Variants in AASS observed in about 807,000 individuals in gnomAD.
The protein encoded by AASS is alpha-aminoadipic semialdehyde synthase, mitochondrial.
In AASS, 86 loss-of-function variants were observed where a neutral mutation model predicts 105.4. The observed-to-expected ratio is 0.82, with a 90% CI of 0.69 to 0.98. The LOEUF (loss-of-function observed/expected upper bound fraction) is 0.98. Among genes scored for constraint, AASS ranks in the 50% least tolerant of loss-of-function variants. AASS has a pLI of 0.00. For synonymous variants in AASS, 381 were observed against 394.8 expected (o/e 0.96, Z 0.41); for missense variants, 1,048 against 1,143.2 (o/e 0.92, Z 1.20).
At chr7:122,142,744 T>C (rs1411921048) in intron 1 of AASS, among the ~76,000 whole-genome samples, 2 of 152,178 alleles carry the variant, frequency 1.3e-5, no homozygotes, top group Non-Finnish European at 2.9e-5. Context: ...GTTTGTAATG[T>C]TATTTCTATG....
intron 18 of AASS, among the ~76,000 whole-genome samples, chr7:122,090,395 T>C (rs1407570676): frequency 1.3e-5 from 2 of 152,138 alleles, no homozygotes; most frequent in African/African-American, 2.4e-5. Context: ...GATGAGGCGC[T>C]GGTACTTTTT....
At chr7:122,101,808 C>T (rs893000931) in intron 11 of AASS, 128 bp from the exon 12 acceptor site, 7 of 739,492 alleles carry the variant, frequency 9.5e-6, no homozygotes, top group South Asian at 4.8e-5. Context: ...TGAGGATCAC[C>T]GAGTATAAGT....
At chr7:122,079,077 G>T (rs971396236) in intron 21 of AASS, 127 bp from the exon 22 acceptor site, 1 of 1,573,950 alleles carries the variant, frequency 6.4e-7, no homozygotes, top group Non-Finnish European at 8.6e-7. Flanking sequence ...TCAAGTTGTA[G>T]GATTCTCCTA....
chr7:122,086,487 T>A (rs1793631354), intron 18 of AASS, among the ~76,000 whole-genome samples: 2 of 151,654 alleles, frequency 1.3e-5, no homozygotes, highest in South Asian at 4.1e-4. Context: ...GAGTTTGCCT[T>A]TTTAAAAAAT....
chr7:122,136,320 C>T (rs1321491924), intron 1 of AASS, among the ~76,000 whole-genome samples: 1 of 151,984 alleles, frequency 6.6e-6, no homozygotes, highest in Non-Finnish European at 1.5e-5. Flanking sequence ...GACAACAGAC[C>T]AAACAGCGAA....
In AASS at chr7:122,098,495, T is replaced by C. The variant is rs1279570292; in HGVS notation, c.1610A>G (p.Glu537Gly). ...NPVSMDICKQEEKLGFLVAKQ... is the reference protein window; with the variant it reads ...NPVSMDICKQGEKLGFLVAKQ... ...TGCCACCAAGAAGCCCAGCTTCTCT[T>C]CTTGTTTACAAATGTCCATGCTAAC... Residue 537 changes from glutamate (E) to glycine (G), a missense_variant, in exon 15 of 24, where the codon GAA (glutamate) becomes GGA (glycine). By Grantham distance (98) the Glu-to-Gly change is moderately conservative. Transcript: ENST00000417368. 4 of 1,612,238 alleles carry C rather than the reference T, an allele frequency of 2.5e-6. No homozygotes were observed. The highest frequency in any genetic ancestry group is 3.4e-6 in the Non-Finnish European group (4 of 1,178,758).
chr7:122,098,329 C>A, intron 15 of AASS, 121 bp downstream of exon 15: 3 of 1,057,352 alleles, frequency 2.8e-6, no homozygotes, highest in East Asian at 2.5e-5. Flanking sequence ...CTTCTGGACC[C>A]ATACTTCAAT....
At chr7:122,140,980 C>G (rs1796367390) in intron 1 of AASS, among the ~76,000 whole-genome samples, 1 of 151,972 alleles carries the variant, frequency 6.6e-6, no homozygotes, top group Non-Finnish European at 1.5e-5. Context: ...TGAGTCTTGG[C>G]CTACACTAAG....
Position 122,084,495 on chromosome 7 carries a change from C to G in AASS, c.2184+1517G>C, listed in dbSNP as rs1266596524. ...CAGATAGGCAGGTGAACCTGGAAGA[C>G]ATTATGCTAAGTGGAATAAGTGAGA... On this transcript the variant is annotated intron_variant, in intron 19 of 23. Coordinates refer to ENST00000417368, the MANE Select transcript of AASS (RefSeq NM_005763.4). 2.0e-5 allele frequency among the ~76,000 whole-genome samples: 3 copies of G among 152,096 alleles called. No homozygotes were observed. In the East Asian group the frequency reaches 5.8e-4, roughly 29 times the overall value.
chr7:122,115,308 T>C (rs1584870861), intron 8 of AASS, 86 bp from the exon 9 acceptor site: 2 of 1,492,620 alleles, frequency 1.3e-6, no homozygotes, highest in East Asian at 2.3e-5. Context: ...GTAAATTCTA[T>C]GAGAAATAAT....
intron 4 of AASS, among the ~76,000 whole-genome samples, chr7:122,123,059 A>G (rs918525348): frequency 5.9e-5 from 9 of 152,170 alleles, no homozygotes; most frequent in African/African-American, 2.2e-4. Flanking sequence ...ACTCTGGCTG[A>G]TGGGACAAAC....
intron 11 of AASS, among the ~76,000 whole-genome samples, chr7:122,103,686 AAG>A (rs2150525918): frequency 6.6e-6 from 1 of 152,142 alleles, no homozygotes; most frequent in South Asian, 2.1e-4. Flanking sequence ...GTAAGCTAAA[AAG>A]ATGAAAATTG....
Position 122,126,361 on chromosome 7 carries a change from C to G in AASS, c.472+14G>C. 1 of 1,610,082 alleles carries G rather than the reference C, an allele frequency of 6.2e-7. No homozygotes were observed. Among genetic ancestry groups the G allele is most frequent in the Non-Finnish European group, 8.5e-7 (1 of 1,176,440 alleles). ...AATTTAGGAAGTGGGTGATGTAAGC[C>G]CTGGCATACTTACCTGCCACACCAG... On this transcript the variant is annotated intron_variant, in intron 4 of 23. Transcript: ENST00000417368.
Position 122,081,462 on chromosome 7 carries a change from G to A in AASS, c.2280+38C>T. The A allele has an allele frequency of 2.0e-6, 3 of 1,487,790 alleles. No individual in the cohort carries two copies. The South Asian group carries it at 3.4e-5, about 17-fold the overall frequency. 92.2% of individuals were successfully genotyped at this position (1,487,790 alleles called of 1,614,324 possible). A position where few individuals can be genotyped will look rare whatever the true frequency, so the allele number is the denominator to read the frequency against. On this transcript the variant is annotated intron_variant, in intron 20 of 23. Coordinates refer to ENST00000417368, the MANE Select transcript of AASS (RefSeq NM_005763.4). ...CCCGACCATTTCAGAAGGTATTTCT[G>A]AAAAGGAGCAGATAGAACGTAATTC... is the stretch of plus-strand genomic sequence containing the variant.
rs34474265 is a variant in AASS, at chr7:122,098,872, TAAAA to T, written c.1407-10_1407-7del. ...AAAGTGACTGAGCACGTTCCCTATT[TAAAA>T]AAAAAAAAAAAAAAAAAAAAGGGAA... is the stretch of plus-strand genomic sequence containing the variant. On this transcript the variant is annotated splice_region_variant and splice_polypyrimidine_tract_variant and intron_variant, in intron 13 of 23. Coordinates refer to ENST00000417368, the MANE Select transcript of AASS (RefSeq NM_005763.4). The T allele has an allele frequency of 1.3e-3, 1,495 of 1,161,636 alleles. No homozygotes were observed. The highest frequency in any genetic ancestry group is 3.4e-3 in the East Asian group (87 of 25,828). 72.0% of individuals were successfully genotyped at this position (1,161,636 alleles called of 1,614,324 possible). A position where few individuals can be genotyped will look rare whatever the true frequency, so the allele number is the denominator to read the frequency against.
At chr7:122,088,846 A>C (rs1793757662) in intron 18 of AASS, among the ~76,000 whole-genome samples, 1 of 152,116 alleles carries the variant, frequency 6.6e-6, no homozygotes, top group Non-Finnish European at 1.5e-5. Context: ...CAATGTAAAA[A>C]AGTACACCAC....
intron 18 of AASS, 80 bp downstream of exon 18, chr7:122,091,623 G>A (rs191659561): frequency 2.6e-5 from 42 of 1,604,590 alleles, no homozygotes; most frequent in South Asian, 1.3e-4. Context: ...TTATTAAAGG[G>A]TTTGGGATCA....
At position 122,074,729 on chromosome 7, in the gene AASS, G is replaced by C. The variant is rs928250327; in HGVS notation, c.*1760C>G. Among the ~76,000 whole-genome samples the C allele has an allele frequency of 6.6e-6, 1 of 152,156 alleles. No individual in the cohort carries two copies. The highest frequency in any genetic ancestry group is 1.5e-5 in the Non-Finnish European group (1 of 68,016). On this transcript the variant is annotated 3_prime_UTR_variant, in exon 24 of 24. Transcript: ENST00000417368. Reference sequence around the variant, plus strand: ...TTTCCAAGCATCATTTAATGAAAAAGACTATTTTGCCCCCATTGAATTGTC... The same window carrying C: ...TTTCCAAGCATCATTTAATGAAAAACACTATTTTGCCCCCATTGAATTGTC...
chr7:122,109,726 G>A (rs1034212163), intron 11 of AASS, among the ~76,000 whole-genome samples: 1 of 151,086 alleles, frequency 6.6e-6, no homozygotes, highest in Non-Finnish European at 1.5e-5. Flanking sequence ...CAGGGGAAAT[G>A]CTTCATTACA....
Sources: gnomAD v4.1 joint callset for allele counts (sites outside exome capture counted in the v4.1 genomes callset) on GRCh38, gnomAD v4.1.1 for gene constraint, MANE v1.5 for transcripts, NCBI Gene and HGNC (gene_info 2026-07-23, HGNC 2026-07-21) for gene names.